Variants in RACGAP1 observed in about 807,000 individuals in gnomAD.
RACGAP1 encodes Rac GTPase activating protein 1, also known as rac GTPase-activating protein 1.
RACGAP1 carries 30 observed loss-of-function variants against 78.1 expected under a neutral mutation model. The observed-to-expected ratio is 0.38, with a 90% CI of 0.29 to 0.52. RACGAP1 has a LOEUF of 0.52. Among genes scored for constraint, RACGAP1 ranks in the 20% least tolerant of loss-of-function variants. RACGAP1 has a pLI of 0.82. For missense variants in RACGAP1, 587 were observed against 777.1 expected (o/e 0.76, Z 2.91); for synonymous variants, 231 against 264.8 (o/e 0.87, Z 1.24).
At chr12:50,020,158 C>T (rs1375525805) in intron 1 of RACGAP1, among the ~76,000 whole-genome samples, 3 of 152,136 alleles carry the variant, frequency 2.0e-5, no homozygotes, top group Admixed American at 6.6e-5. Context: ...AGACACTTCA[C>T]GTACACTTTT....
At chr12:50,016,307 G>A (rs1490356488) in intron 2 of RACGAP1, among the ~76,000 whole-genome samples, 6 of 151,866 alleles carry the variant, frequency 4.0e-5, no homozygotes, top group East Asian at 1.9e-4. Flanking sequence ...GCTTGAACCC[G>A]GGGAGCAGAG....
Position 49,990,743 on chromosome 12 carries a change from A to T in RACGAP1, c.1764T>A (p.Thr588=). The change falls in exon 16 of 17, where the codon ACT becomes ACA. Residue 588 remains threonine (T), a synonymous_variant. Coordinates refer to ENST00000312377, the MANE Select transcript of RACGAP1 (RefSeq NM_001319999.2). The part of the protein sequence containing the change: ...VTTPEHQLLK[T]PSSSSLSQRV... ...TCTGTGACAGGGAACTAGATGAAGGAGTCTTGAGAAGCTGATGTTCAGGAG... is the reference window on the plus strand; with the variant it reads ...TCTGTGACAGGGAACTAGATGAAGGTGTCTTGAGAAGCTGATGTTCAGGAG... The T allele has an allele frequency of 1.9e-6, 3 of 1,614,096 alleles. No homozygotes were observed. The East Asian group carries it at 6.7e-5, about 36-fold the overall frequency.
intron 12 of RACGAP1, 52 bp from the exon 13 acceptor site, chr12:49,992,707 C>A: frequency 1.4e-6 from 2 of 1,446,928 alleles, no homozygotes; most frequent in Non-Finnish European, 1.9e-6. Context: ...CCCTTGACAG[C>A]GGGCTTCCAA....
intron 9 of RACGAP1, among the ~76,000 whole-genome samples, chr12:49,997,971 C>T (rs1948419548): frequency 6.6e-6 from 1 of 152,148 alleles, no homozygotes; most frequent in African/African-American, 2.4e-5. Context: ...CACAGTAATC[C>T]CATAAAATAG....
chr12:49,995,538 G>T (rs924193921), intron 10 of RACGAP1, among the ~76,000 whole-genome samples: 1 of 151,628 alleles, frequency 6.6e-6, no homozygotes, highest in African/African-American at 2.4e-5. Context: ...TATTCCCCAG[G>T]CTGGAGTGCA....
intron 1 of RACGAP1, 155 bp downstream of exon 1, chr12:50,025,243 C>G (rs1322104251): frequency 7.4e-6 from 7 of 948,882 alleles, no homozygotes; most frequent in Non-Finnish European, 8.8e-6. Flanking sequence ...ACCCCCACCC[C>G]AGAAAAGCCC....
intron 5 of RACGAP1, among the ~76,000 whole-genome samples, chr12:50,003,051 C>G (rs1161671888): frequency 6.7e-6 from 1 of 149,170 alleles, no homozygotes; most frequent in African/African-American, 2.5e-5. Context: ...AAAAGTTCTA[C>G]AGTTTAGGAA....
intron 2 of RACGAP1, among the ~76,000 whole-genome samples, chr12:50,012,164 C>A (rs536317926): frequency 6.6e-6 from 1 of 152,062 alleles, no homozygotes; most frequent in African/African-American, 2.4e-5. Context: ...TGGTGGTTCA[C>A]ACCTGTAATC....
intron 2 of RACGAP1, among the ~76,000 whole-genome samples, chr12:50,013,826 A>G (rs182001983): frequency 6.6e-6 from 1 of 152,328 alleles, no homozygotes; most frequent in African/African-American, 2.4e-5. Flanking sequence ...CCTCAACTCA[A>G]AAATGCTAGA....
At chr12:50,008,047 T>C (rs1017765646) in intron 2 of RACGAP1, among the ~76,000 whole-genome samples, 1 of 151,630 alleles carries the variant, frequency 6.6e-6, no homozygotes, top group Admixed American at 6.6e-5. Context: ...GCTGGTTTGT[T>C]TGTTCTTTAG....
At chr12:49,999,358 A>G (rs1225062506) in intron 8 of RACGAP1, 87 bp from the exon 9 acceptor site, 4 of 1,480,900 alleles carry the variant, frequency 2.7e-6, no homozygotes, top group African/African-American at 1.4e-5. Context: ...GGAGATAAAC[A>G]GTAATCTGTT....
In RACGAP1 at chr12:49,995,048, G is replaced by A. The variant is rs1684345344; in HGVS notation, c.1045-539C>T. ...TTCTATATTAGAGTACAGAACATGT[G>A]TAAAAAAAATGTACAGGCGGCCAGG... On this transcript the variant is annotated intron_variant, in intron 10 of 16. Transcript: ENST00000312377. Among the ~76,000 whole-genome samples, 3 of 152,102 alleles carry A rather than the reference G, an allele frequency of 2.0e-5. No homozygotes were observed. In the South Asian group the frequency reaches 6.2e-4, roughly 31 times the overall value.
At chr12:50,003,268 T>C (rs1431689382) in intron 5 of RACGAP1, among the ~76,000 whole-genome samples, 3 of 152,202 alleles carry the variant, frequency 2.0e-5, no homozygotes, top group African/African-American at 7.2e-5. Context: ...CCCCAAGTCA[T>C]GGTCCAGTAA....
In RACGAP1 at chr12:50,014,973, G is replaced by A. The variant is rs576868796; in HGVS notation, c.85+1658C>T. 1.1e-4 allele frequency among the ~76,000 whole-genome samples: 16 copies of A among 150,964 alleles called. No homozygotes were observed. The South Asian group carries it at 3.2e-3, about 30-fold the overall frequency. On this transcript the variant is annotated intron_variant, in intron 2 of 16. Coordinates refer to ENST00000312377, the MANE Select transcript of RACGAP1 (RefSeq NM_001319999.2). ...CAGGACAATTGCTTGAGCCAGGGAG[G>A]TGGAGGTTGCAGTGAGCCGAGACCA...
intron 3 of RACGAP1, 133 bp downstream of exon 3, chr12:50,006,301 T>A: frequency 1.1e-6 from 1 of 896,730 alleles, no homozygotes; most frequent in Non-Finnish European, 1.8e-6. Context: ...ATGGGCAAGC[T>A]GTTAAAGAAC....
chr12:50,008,446 G>C (rs1435861835), intron 2 of RACGAP1, among the ~76,000 whole-genome samples: 1 of 152,014 alleles, frequency 6.6e-6, no homozygotes, highest in Non-Finnish European at 1.5e-5. Context: ...TGATTCACCT[G>C]CCTTGGCCTC....
upstream of RACGAP1, among the ~76,000 whole-genome samples, chr12:50,027,145 T>G (rs1210972087): frequency 6.6e-6 from 1 of 152,234 alleles, no homozygotes; most frequent in African/African-American, 2.4e-5. Flanking sequence ...AAGTTTATAC[T>G]TGGTAAACTG....
rs1364397757 is a variant in RACGAP1, at chr12:49,989,900, A to G, written c.*368T>C. ...GGGTTTCTGTCATTGTCTCACGGAA[A>G]TCAGTTCTAAATGAAACTAGAGAAA... On this transcript the variant is annotated 3_prime_UTR_variant, in exon 17 of 17. Transcript: ENST00000312377. The G allele has an allele frequency of 5.7e-6, 1 of 176,490 alleles. No individual in the cohort carries two copies. The highest frequency in any genetic ancestry group is 1.2e-5 in the Non-Finnish European group (1 of 83,460). 10.9% of individuals were successfully genotyped at this position (176,490 alleles called of 1,614,324 possible). A position where few individuals can be genotyped will look rare whatever the true frequency, so the allele number is the denominator to read the frequency against.
intron 2 of RACGAP1, among the ~76,000 whole-genome samples, chr12:50,031,423 G>A (rs1669370266): frequency 7.4e-6 from 1 of 135,624 alleles, no homozygotes; most frequent in South Asian, 2.4e-4. Flanking sequence ...AGGCTGCAGT[G>A]AGCCGAGATT....
Sources: allele counts gnomAD v4.1 joint callset (sites outside exome capture counted in the v4.1 genomes callset), GRCh38; gene constraint gnomAD v4.1.1; transcripts MANE v1.5; gene names NCBI Gene and HGNC (gene_info 2026-07-23, HGNC 2026-07-21).